SOX5: variants seen among roughly 807,000 people sequenced by gnomAD.
The protein encoded by SOX5 is SRY-box transcription factor 5.
In SOX5, 9 loss-of-function variants were observed where a neutral mutation model predicts 92.0. The ratio of observed to expected loss-of-function variants is 0.10; its 90% CI spans 0.06 to 0.17. SOX5 has a LOEUF of 0.17. SOX5 is among the 10% of genes least tolerant of loss of function. SOX5 has a pLI of 1.00. For missense variants in SOX5, 642 were observed against 944.5 expected, an observed-to-expected ratio of 0.68 and a Z score of 4.20; for synonymous variants, 344 against 336.3, an observed-to-expected ratio of 1.02 and a Z score of -0.25.
chr12:24,375,736 CAAAAAA>C (rs34949948), intron 1 of SOX5, among the ~76,000 whole-genome samples: 1 of 120,352 alleles, frequency 8.3e-6, no homozygotes, highest in East Asian at 2.5e-4. Flanking sequence ...AACTCTGTCT[CAAAAAA>C]AAAAAAAAAA....
At chr12:23,982,577 A>T (rs1426983141) in intron 4 of SOX5, among the ~76,000 whole-genome samples, 1 of 152,118 alleles carries the variant, frequency 6.6e-6, no homozygotes, top group Non-Finnish European at 1.5e-5. Context: ...GGTGACTGAG[A>T]TTCCTTGTAG....
chr12:24,428,761 C>CAAAAAAAAAAAAAAAAAAAAAAAAAAA, intron 1 of SOX5, among the ~76,000 whole-genome samples: 1 of 52,604 alleles, frequency 1.9e-5, no homozygotes, highest in African/African-American at 6.2e-5. Context: ...AAAAAAAAAG[C>CAAAAAAAAAAAAAAAAAAAAAAAAAAA]TAATTTCCTC....
intron 8 of SOX5, among the ~76,000 whole-genome samples, chr12:23,635,301 A>G (rs2079079338): frequency 6.6e-6 from 1 of 152,162 alleles, no homozygotes; most frequent in African/African-American, 2.4e-5. Flanking sequence ...GAACTTCAAA[A>G]CACCAGAGAG....
chr12:23,736,687 CTCT>C (rs2093608407), intron 5 of SOX5, among the ~76,000 whole-genome samples: 3 of 143,058 alleles, frequency 2.1e-5, no homozygotes, highest in Admixed American at 2.1e-4. Flanking sequence ...TTTGTTCTTT[CTCT>C]TTTTTTTTTT....
At chr12:24,546,599 T>C (rs901732485) in intron 1 of SOX5, among the ~76,000 whole-genome samples, 1 of 152,120 alleles carries the variant, frequency 6.6e-6, no homozygotes, top group African/African-American at 2.4e-5. Context: ...ACACTACCAC[T>C]CTCTCAGAGC....
chr12:24,185,543 GT>G (rs1014158274), intron 4 of SOX5, among the ~76,000 whole-genome samples: 5 of 152,102 alleles, frequency 3.3e-5, no homozygotes, highest in Admixed American at 3.3e-4. Flanking sequence ...GCGTGATTTT[GT>G]TTGTTCTAGG....
rs1950394690 is a variant in SOX5, at chr12:23,584,099, C to A, written c.1165-8261G>T. On this transcript the variant is annotated intron_variant, in intron 9 of 14. Transcript: ENST00000451604. ...AGCACATCAGCATCTCTACTGGAAT[C>A]TACAAAAGGAATTACTATCAAAAGG... Among the ~76,000 whole-genome samples, 3 of 152,088 alleles carry A rather than the reference C, an allele frequency of 2.0e-5. No individual in the cohort carries two copies. The South Asian group carries it at 6.2e-4, about 32-fold the overall frequency.
At chr12:23,812,599 C>G (rs1370197225) in intron 3 of SOX5, among the ~76,000 whole-genome samples, 9 of 152,002 alleles carry the variant, frequency 5.9e-5, no homozygotes, top group Non-Finnish European at 1.2e-4. Flanking sequence ...CAAGGCCAAA[C>G]CAACCAGGAG....
At chr12:24,349,892 T>C (rs1953854354) in intron 2 of SOX5, among the ~76,000 whole-genome samples, 1 of 152,210 alleles carries the variant, frequency 6.6e-6, no homozygotes, top group Non-Finnish European at 1.5e-5. Context: ...TCATTTTACA[T>C]TCCCACCCAC....
intron 1 of SOX5, among the ~76,000 whole-genome samples, chr12:24,554,782 C>T (rs1274030429): frequency 1.3e-5 from 2 of 152,152 alleles, no homozygotes; most frequent in African/African-American, 2.4e-5. Context: ...GTCTAAATGA[C>T]GTGGTCTTCA....
chr12:24,422,008 T>A (rs1404443530), intron 1 of SOX5, among the ~76,000 whole-genome samples: 2 of 152,224 alleles, frequency 1.3e-5, no homozygotes, highest in Non-Finnish European at 2.9e-5. Context: ...AAAAGCTGAC[T>A]ATAATCCCAT....
At chr12:23,755,038 T>C (rs1226490669) in intron 4 of SOX5, among the ~76,000 whole-genome samples, 1 of 151,834 alleles carries the variant, frequency 6.6e-6, no homozygotes, top group Non-Finnish European at 1.5e-5. Flanking sequence ...ATTGAAAGGA[T>C]AATTTGCTTT....
intron 1 of SOX5, among the ~76,000 whole-genome samples, chr12:24,525,916 G>C (rs573325024): frequency 8.6e-5 from 13 of 151,690 alleles, no homozygotes; most frequent in Admixed American, 7.2e-4. Flanking sequence ...ATGTTGCACA[G>C]CGTGGAGTGC....
At chr12:23,766,900 C>T (rs913000507) in intron 3 of SOX5, among the ~76,000 whole-genome samples, 3 of 151,992 alleles carry the variant, frequency 2.0e-5, no homozygotes, top group African/African-American at 7.3e-5. Context: ...AAAGATTTTG[C>T]ATAACTCTTA....
chr12:23,996,094 T>C (rs1487178881), intron 4 of SOX5, among the ~76,000 whole-genome samples: 1 of 152,024 alleles, frequency 6.6e-6, no homozygotes, highest in Non-Finnish European at 1.5e-5. Flanking sequence ...ACAAGGAAAA[T>C]TTAGGAAATC....
chr12:24,088,330 G>T (rs1014861781), intron 4 of SOX5, among the ~76,000 whole-genome samples: 4 of 151,924 alleles, frequency 2.6e-5, no homozygotes, highest in Admixed American at 1.3e-4. Context: ...ATTGTCTATT[G>T]TTGGCATTTA....
chr12:24,084,642 G>C (rs1407253843), intron 4 of SOX5, among the ~76,000 whole-genome samples: 1 of 152,008 alleles, frequency 6.6e-6, no homozygotes, highest in Non-Finnish European at 1.5e-5. Context: ...TCCACTACCA[G>C]TTACAATAAC....
chr12:24,060,153 T>A (rs1215740001), intron 4 of SOX5, among the ~76,000 whole-genome samples: 1 of 152,214 alleles, frequency 6.6e-6, no homozygotes, highest in Non-Finnish European at 1.5e-5. Flanking sequence ...TGACAGCATT[T>A]ATTGAGCATC....
intron 1 of SOX5, among the ~76,000 whole-genome samples, chr12:23,911,015 T>G (rs1202990968): frequency 1.3e-5 from 2 of 152,106 alleles, no homozygotes; most frequent in African/African-American, 2.4e-5. Context: ...AGTAGTTACT[T>G]CCTATTATTT....
Sources: allele counts gnomAD v4.1 joint callset (sites outside exome capture counted in the v4.1 genomes callset), GRCh38; gene constraint gnomAD v4.1.1; transcripts MANE v1.5; gene names NCBI Gene and HGNC (gene_info 2026-07-23, HGNC 2026-07-21).